The following GPR149 variants were observed in gnomAD, a reference collection of about 807,000 sequenced individuals.
GPR149 encodes the protein G protein-coupled receptor 149, also known as probable G protein-coupled receptor 149.
GPR149 carries 50 observed loss-of-function variants against 50.2 expected under a neutral mutation model. The observed-to-expected ratio is 1.00, with a 90% CI of 0.79 to 1.26. The LOEUF (loss-of-function observed/expected upper bound fraction) is 1.26. Ranked by LOEUF, GPR149 falls within the 50% of genes most tolerant of loss-of-function variation. The probability of loss-of-function intolerance (pLI) is 0.00; values close to 1 mark genes in which losing one functional copy is unlikely to be tolerated. For synonymous variants in GPR149, 405 were observed against 358.2 expected (o/e 1.13, Z -1.48); for missense variants, 983 against 895.4 (o/e 1.10, Z -1.25).
intron 3 of GPR149, among the ~76,000 whole-genome samples, chr3:154,413,942 G>GTAGTA (rs1711913812): frequency 1.4e-5 from 2 of 147,906 alleles, no homozygotes; most frequent in African/African-American, 2.5e-5. Flanking sequence ...AGAAATTGTA[G>GTAGTA]TATATATATA....
At chr3:154,348,856 T>C (rs1053103098) in intron 3 of GPR149, among the ~76,000 whole-genome samples, 1 of 152,110 alleles carries the variant, frequency 6.6e-6, no homozygotes, top group African/African-American at 2.4e-5. Context: ...ATGAACCATA[T>C]ACTGAGATAG....
In GPR149 at chr3:154,425,679, T is replaced by C. The variant is rs1409724255; in HGVS notation, c.1174+1837A>G. Among the ~76,000 whole-genome samples the C allele has an allele frequency of 5.9e-5, 9 of 152,274 alleles. No individual in the cohort carries two copies. The East Asian group carries it at 1.7e-3, about 29-fold the overall frequency. ...CATATTTCAAGTCTTTCTTTGGAAT[T>C]TTAAAATAAACACAAATAAAAGCAA... On this transcript the variant is annotated intron_variant, in intron 2 of 3. Coordinates refer to ENST00000389740, the MANE Select transcript of GPR149 (RefSeq NM_001038705.3).
intron 2 of GPR149, among the ~76,000 whole-genome samples, chr3:154,426,248 G>A (rs1426827326): frequency 2.0e-5 from 3 of 151,988 alleles, no homozygotes; most frequent in Admixed American, 2.0e-4. Flanking sequence ...AAAACTTAAT[G>A]GCATTCTTAA....
At chr3:154,391,728 A>G (rs1715176267) in intron 3 of GPR149, among the ~76,000 whole-genome samples, 1 of 151,846 alleles carries the variant, frequency 6.6e-6, no homozygotes, top group African/African-American at 2.4e-5. Context: ...TAAGTTTGAC[A>G]ACTTATTAAG....
intron 2 of GPR149, among the ~76,000 whole-genome samples, chr3:154,423,704 T>C (rs973088672): frequency 2.6e-5 from 4 of 151,788 alleles, no homozygotes; most frequent in Non-Finnish European, 5.9e-5. Flanking sequence ...CAAAATTAGG[T>C]TGAAGAAAAT....
intron 3 of GPR149, among the ~76,000 whole-genome samples, chr3:154,368,563 G>A (rs887967720): frequency 1.3e-5 from 2 of 152,182 alleles, no homozygotes; most frequent in Non-Finnish European, 2.9e-5. Context: ...ACAATCTGTG[G>A]TGCATGGGTA....
chr3:154,351,693 C>G (rs1257253581), intron 3 of GPR149, among the ~76,000 whole-genome samples: 1 of 152,114 alleles, frequency 6.6e-6, no homozygotes, highest in Non-Finnish European at 1.5e-5. Context: ...GACAGACAAT[C>G]TGTTTGGCTC....
chr3:154,428,734 C>A lies in GPR149; in HGVS notation c.882G>T (p.Gly294=). ...GAEACRRENR[G]TLYGTRSFTV... ...TGAAGCTCCTGGTGCCATAGAGAGT[C>A]CCCCGGTTCTCACGCCTGCAGGCTT... The change falls in exon 1 of 4, where the codon GGG becomes GGT. Residue 294 remains glycine (G), a synonymous_variant. Transcript: ENST00000389740. 3 of 1,614,086 alleles carry A rather than the reference C, an allele frequency of 1.9e-6. No homozygotes were observed. The highest frequency in any genetic ancestry group is 2.5e-6 in the Non-Finnish European group (3 of 1,180,026).
intron 3 of GPR149, among the ~76,000 whole-genome samples, chr3:154,405,352 G>T (rs1173450789): frequency 2.6e-5 from 4 of 152,202 alleles, no homozygotes; most frequent in Middle Eastern, 6.8e-3. Context: ...ACTTTGGGAG[G>T]CCAAGGTGGG....
intron 1 of GPR149, 123 bp downstream of exon 1, chr3:154,428,512 C>G: frequency 9.0e-7 from 1 of 1,107,996 alleles, no homozygotes; most frequent in Non-Finnish European, 1.3e-6. Flanking sequence ...CAGCGAGATA[C>G]ACTTGGAAGC....
chr3:154,353,829 A>G (rs1359548583), intron 3 of GPR149: 2 of 652,512 alleles, frequency 3.1e-6, no homozygotes, highest in Non-Finnish European at 5.6e-6. Context: ...CAAATACAGG[A>G]CAAGGTCCTA....
intron 3 of GPR149, among the ~76,000 whole-genome samples, chr3:154,407,864 T>C (rs1711740637): frequency 6.6e-6 from 1 of 152,140 alleles, no homozygotes; most frequent in African/African-American, 2.4e-5. Flanking sequence ...GGAAAAACTC[T>C]TGATTCTGGG....
intron 3 of GPR149, among the ~76,000 whole-genome samples, chr3:154,384,125 C>T (rs960840877): frequency 1.3e-5 from 2 of 152,166 alleles, no homozygotes; most frequent in African/African-American, 4.8e-5. Flanking sequence ...TGCATTGAGA[C>T]AATGTACTTT....
At chr3:154,423,273 G>T (rs957873060) in intron 2 of GPR149, among the ~76,000 whole-genome samples, 1 of 151,802 alleles carries the variant, frequency 6.6e-6, no homozygotes, top group African/African-American at 2.4e-5. Context: ...AATAAAAAAC[G>T]TATTGATTCT....
chr3:154,356,932 T>C (rs1714247710), intron 3 of GPR149, among the ~76,000 whole-genome samples: 1 of 152,132 alleles, frequency 6.6e-6, no homozygotes, highest in Non-Finnish European at 1.5e-5. Context: ...CTTCAAACTA[T>C]ACTACAAGCC....
At chr3:154,390,416 A>T (rs560953200) in intron 3 of GPR149, among the ~76,000 whole-genome samples, 1 of 152,174 alleles carries the variant, frequency 6.6e-6, no homozygotes, top group South Asian at 2.1e-4. Context: ...GATGAAGAGT[A>T]AATAACTGAA....
At chr3:154,406,096 TA>T (rs1277786413) in intron 3 of GPR149, among the ~76,000 whole-genome samples, 1 of 151,926 alleles carries the variant, frequency 6.6e-6, no homozygotes, top group African/African-American at 2.4e-5. Context: ...GAAATCTCTA[TA>T]AAAATTGGAA....
chr3:154,375,493 A>G (rs1347560988), intron 3 of GPR149, among the ~76,000 whole-genome samples: 1 of 152,198 alleles, frequency 6.6e-6, no homozygotes, highest in Non-Finnish European at 1.5e-5. Flanking sequence ...ATGTTCCAGA[A>G]TGTAAACTTT....
chr3:154,369,278 G>A (rs1176324862), intron 3 of GPR149, among the ~76,000 whole-genome samples: 1 of 152,184 alleles, frequency 6.6e-6, no homozygotes, highest in African/African-American at 2.4e-5. Flanking sequence ...CCTTGCCACA[G>A]TATTCCTTAC....
Sources: allele counts gnomAD v4.1 joint callset (sites outside exome capture counted in the v4.1 genomes callset), GRCh38; gene constraint gnomAD v4.1.1; transcripts MANE v1.5; gene names NCBI Gene and HGNC (gene_info 2026-07-23, HGNC 2026-07-21).